The following OTUD7A variants were observed in gnomAD, a reference collection of about 807,000 sequenced individuals.
OTUD7A encodes OTU domain-containing protein 7A.
A neutral mutation model predicts 65.7 loss-of-function variants in OTUD7A; 12 were observed. The observed-to-expected ratio is 0.18, with a 90% confidence interval of 0.12 to 0.30. The LOEUF (loss-of-function observed/expected upper bound fraction) is 0.30. OTUD7A is among the 10% of genes least tolerant of loss of function. The probability of loss-of-function intolerance (pLI) is 1.00; values close to 1 mark genes in which losing one functional copy is unlikely to be tolerated. For missense variants in OTUD7A, 1,148 were observed against 1,304.8 expected (o/e 0.88, Z 1.85); for synonymous variants, 641 against 586.3 (o/e 1.09, Z -1.35).
At chr15:31,777,099 T>C (rs1307006794) in intron 1 of OTUD7A, among the ~76,000 whole-genome samples, 1 of 152,152 alleles carries the variant, frequency 6.6e-6, no homozygotes, top group African/African-American at 2.4e-5. Flanking sequence ...TCATTTCTCA[T>C]GGTTCTGGAG....
intron 10 of OTUD7A, among the ~76,000 whole-genome samples, chr15:31,492,292 A>T (rs951291576): frequency 6.6e-6 from 1 of 152,224 alleles, no homozygotes; most frequent in African/African-American, 2.4e-5. Context: ...GAATCTCATT[A>T]ATTAGACCAG....
intron 1 of OTUD7A, among the ~76,000 whole-genome samples, chr15:31,777,539 C>T (rs1203815936): frequency 1.3e-5 from 2 of 151,754 alleles, no homozygotes; most frequent in Non-Finnish European, 2.9e-5. Context: ...AGGGGTCCTC[C>T]TTCTTCACCC....
At chr15:31,658,756 G>A (rs1485369110) in intron 1 of OTUD7A, among the ~76,000 whole-genome samples, 7 of 151,892 alleles carry the variant, frequency 4.6e-5, no homozygotes, top group African/African-American at 7.3e-5. Flanking sequence ...GGCCAGGTGC[G>A]GTGGCTTACA....
At chr15:31,551,192 C>A (rs1370446475) in intron 5 of OTUD7A, among the ~76,000 whole-genome samples, 1 of 152,204 alleles carries the variant, frequency 6.6e-6, no homozygotes, top group Non-Finnish European at 1.5e-5. Context: ...AATGCCAGCA[C>A]TTTCCAGCCT....
intron 1 of OTUD7A, among the ~76,000 whole-genome samples, chr15:31,778,763 C>T (rs1895458952): frequency 6.6e-6 from 1 of 152,098 alleles, no homozygotes; most frequent in Non-Finnish European, 1.5e-5. Flanking sequence ...CACAGACACG[C>T]ACATACACAC....
intron 3 of OTUD7A, among the ~76,000 whole-genome samples, chr15:31,591,032 A>C (rs1220321565): frequency 2.0e-5 from 3 of 152,100 alleles, no homozygotes; most frequent in Non-Finnish European, 4.4e-5. Flanking sequence ...GATGACTGAG[A>C]GGTATTGCAG....
intron 1 of OTUD7A, among the ~76,000 whole-genome samples, chr15:31,728,567 C>G (rs887130807): frequency 6.6e-6 from 1 of 152,102 alleles, no homozygotes. Context: ...TATTCCTCAT[C>G]CTCCTGCTTT....
chr15:31,593,482 G>A (rs1889812244), intron 3 of OTUD7A, among the ~76,000 whole-genome samples: 1 of 152,130 alleles, frequency 6.6e-6, no homozygotes, highest in Admixed American at 6.5e-5. Context: ...GCTCTCCGTG[G>A]CGAAAACTCT....
At chr15:31,602,506 T>C (rs1362666239) in intron 3 of OTUD7A, among the ~76,000 whole-genome samples, 1 of 152,194 alleles carries the variant, frequency 6.6e-6, no homozygotes. Context: ...TCATACTGAA[T>C]GGGCAAAAAC....
chr15:31,508,208 A>G (rs1457830447), intron 8 of OTUD7A, among the ~76,000 whole-genome samples: 1 of 152,210 alleles, frequency 6.6e-6, no homozygotes, highest in Non-Finnish European at 1.5e-5. Flanking sequence ...TGATTTTAGT[A>G]TAGTAACCTA....
intron 1 of OTUD7A, among the ~76,000 whole-genome samples, chr15:31,749,555 C>T (rs1013209248): frequency 6.6e-6 from 1 of 152,136 alleles, no homozygotes; most frequent in Non-Finnish European, 1.5e-5. Flanking sequence ...AATCCAAATG[C>T]TTACCCAGTA....
chr15:31,521,290 A>C (rs2041934464), intron 8 of OTUD7A, among the ~76,000 whole-genome samples: 1 of 152,222 alleles, frequency 6.6e-6, no homozygotes. Context: ...AAAATAATAA[A>C]AAACTCTCAG....
intron 1 of OTUD7A, among the ~76,000 whole-genome samples, chr15:31,688,486 G>T (rs1892891761): frequency 6.6e-6 from 1 of 151,750 alleles, no homozygotes; most frequent in Non-Finnish European, 1.5e-5. Flanking sequence ...ATAAAAAGAG[G>T]CGTAACTGAA....
intron 1 of OTUD7A, among the ~76,000 whole-genome samples, chr15:31,742,055 A>G (rs575681475): frequency 3.5e-4 from 54 of 152,250 alleles, no homozygotes; most frequent in South Asian, 2.1e-3. Flanking sequence ...CCACTAAACA[A>G]GTTAAATCAA....
At chr15:31,722,640 G>A (rs191930212) in intron 1 of OTUD7A, among the ~76,000 whole-genome samples, 4 of 152,314 alleles carry the variant, frequency 2.6e-5, no homozygotes, top group South Asian at 2.1e-4. Context: ...GGACCACTGC[G>A]GCCCAGGGAG....
intron 3 of OTUD7A, among the ~76,000 whole-genome samples, chr15:31,575,256 T>C (rs1289713635): frequency 6.6e-6 from 1 of 152,222 alleles, no homozygotes; most frequent in Non-Finnish European, 1.5e-5. Context: ...GTGTGGTATG[T>C]TGTACACCCT....
intron 3 of OTUD7A, among the ~76,000 whole-genome samples, chr15:31,596,949 T>C (rs542470203): frequency 1.3e-5 from 2 of 152,254 alleles, no homozygotes; most frequent in East Asian, 3.9e-4. Flanking sequence ...TATTAAGACA[T>C]GGTTTTACTC....
In OTUD7A at chr15:31,855,769, C is replaced by CA. The variant is rs1897555999; in HGVS notation, c.-100+14737dup. 2.6e-5 allele frequency among the ~76,000 whole-genome samples: 4 copies of CA among 152,194 alleles called. No homozygotes were observed. In the South Asian group the frequency reaches 8.3e-4, roughly 32 times the overall value. ...TTTCAACCCCTGAGTGAGCAGATGC[C>CA]AACCCTAAATACACAGTAGTTTGCA... is the stretch of plus-strand genomic sequence containing the variant. On this transcript the variant is annotated intron_variant, in intron 1 of 12. Coordinates refer to ENST00000307050, the MANE Select transcript of OTUD7A (RefSeq NM_001382637.1).
chr15:31,558,987 C>G lies in OTUD7A; in HGVS notation c.532G>C (p.Val178Leu). The G allele has an allele frequency of 6.2e-7, 1 of 1,614,208 alleles. No individual in the cohort carries two copies. The highest frequency in any genetic ancestry group is 8.5e-7 in the Non-Finnish European group (1 of 1,180,028). The stretch of plus-strand genomic sequence containing the variant: ...AACTCACCTGCCTGCTCCAAAGCCA[C>G]CATTGTTGCCTGCTCGATCAAGTCC... Reference protein sequence around the residue: ...ERDLIEQATMVALEQAGRLNW... With the variant: ...ERDLIEQATMLALEQAGRLNW... Residue 178 changes from valine to leucine, a missense_variant, in exon 5 of 13, where the codon GTG (valine) becomes CTG (leucine). Val to Leu is a conservative substitution (Grantham distance 32). Transcript: ENST00000307050.
Sources: allele counts gnomAD v4.1 joint callset (sites outside exome capture counted in the v4.1 genomes callset), GRCh38; gene constraint gnomAD v4.1.1; transcripts MANE v1.5; gene names NCBI Gene and HGNC (gene_info 2026-07-23, HGNC 2026-07-21).